PPHLN1: variants seen among roughly 807,000 people sequenced by gnomAD.
PPHLN1 encodes periphilin-1.
Under a neutral mutation model 51.3 loss-of-function variants are expected in PPHLN1, and 29 were observed. That is an observed-to-expected ratio of 0.57 (90% confidence interval 0.42 to 0.77). The LOEUF (loss-of-function observed/expected upper bound fraction) is 0.77, where lower values mean the gene tolerates loss of function less well. Among genes scored for constraint, PPHLN1 ranks in the 30% least tolerant of loss-of-function variants. PPHLN1 has a pLI of 0.00. For missense variants in PPHLN1, 436 were observed against 438.4 expected, an observed-to-expected ratio of 0.99 and a Z score of 0.05; for synonymous variants, 147 against 147.8, an observed-to-expected ratio of 0.99 and a Z score of 0.04.
At chr12:42,376,832 A>G (rs1031347687) in intron 5 of PPHLN1, among the ~76,000 whole-genome samples, 1 of 152,124 alleles carries the variant, frequency 6.6e-6, no homozygotes, top group African/African-American at 2.4e-5. Flanking sequence ...CCACTTCCAT[A>G]TATATATCTG....
At chr12:42,345,784 T>G (rs7313263) in intron 2 of PPHLN1, among the ~76,000 whole-genome samples, 1,957 of 152,144 alleles carry the variant, frequency 0.013, 42 homozygotes, top group African/African-American at 0.044. Context: ...ATTTTTTGAT[T>G]ACTTGAAAAT....
chr12:42,335,760 A>AT (rs1324602138), intron 1 of PPHLN1, 123 bp from the exon 2 acceptor site: 15,968 of 308,772 alleles, frequency 0.052, no homozygotes, highest in East Asian at 0.064. Context: ...GGTCACTTTC[A>AT]TTTTTTTTTT....
chr12:42,394,218 G>A (rs1347220743), intron 8 of PPHLN1, among the ~76,000 whole-genome samples: 1 of 152,030 alleles, frequency 6.6e-6, no homozygotes, highest in Admixed American at 6.6e-5. Flanking sequence ...TTTATGACAC[G>A]TTTGTATTAA....
chr12:42,357,195 TCTC>T (rs2074135343), intron 4 of PPHLN1, among the ~76,000 whole-genome samples: 1 of 152,106 alleles, frequency 6.6e-6, no homozygotes, highest in South Asian at 2.1e-4. Flanking sequence ...AAGTGTCAGT[TCTC>T]CTCAAATTAA....
chr12:42,442,803 A>T (rs553703313), downstream of PPHLN1: 4 of 1,609,270 alleles, frequency 2.5e-6, no homozygotes, highest in Admixed American at 5.0e-5. Context: ...CTAGGGTTTC[A>T]TCATGGGACA....
chr12:42,399,019 A>C, intron 9 of PPHLN1, 25 bp downstream of exon 9: 1 of 1,607,296 alleles, frequency 6.2e-7, no homozygotes, highest in Non-Finnish European at 8.5e-7. Flanking sequence ...GTCTTCATGT[A>C]CATAATTTTT....
At chr12:42,432,702 C>T (rs1224837525) in intron 9 of PPHLN1, among the ~76,000 whole-genome samples, 1 of 152,310 alleles carries the variant, frequency 6.6e-6, no homozygotes, top group Middle Eastern at 3.4e-3. Flanking sequence ...ACCTTCCTAG[C>T]TTGCTGAATG....
chr12:42,389,485 G>A lies in PPHLN1; in HGVS notation c.648+1950G>A, dbSNP rs555105377. ...CAAGGCAGGAGAATTGCTTGAATCC[G>A]GGAGGCGGGTGTTGCAGTGAGCTGA... is the stretch of plus-strand genomic sequence containing the variant. On this transcript the variant is annotated intron_variant, in intron 7 of 9. Transcript: ENST00000358314. Among the ~76,000 whole-genome samples, 1,000 of 151,520 alleles carry A rather than the reference G, an allele frequency of 6.6e-3. 12 individuals carry two copies. Among genetic ancestry groups the A allele is most frequent in the African/African-American group, 0.023 (954 of 41,328 alleles).
At chr12:42,445,867 C>T (rs1311318300), downstream of PPHLN1, 5 of 1,358,932 alleles carry the variant, frequency 3.7e-6, no homozygotes, top group Non-Finnish European at 4.9e-6. Flanking sequence ...CCTCTCCAGA[C>T]ATAAAACTGC....
intron 2 of PPHLN1, among the ~76,000 whole-genome samples, chr12:42,347,543 G>T (rs1196605654): frequency 1.3e-5 from 2 of 152,234 alleles, no homozygotes; most frequent in Non-Finnish European, 2.9e-5. Flanking sequence ...ACTTTGGGAG[G>T]CGTAGGCAGG....
At chr12:42,351,653 G>T (rs1013269427) in intron 2 of PPHLN1, among the ~76,000 whole-genome samples, 1 of 151,930 alleles carries the variant, frequency 6.6e-6, no homozygotes, top group African/African-American at 2.4e-5. Context: ...ATTGGTTTTC[G>T]CATTGCTGCA....
At chr12:42,426,769 T>A (rs748447927) in intron 9 of PPHLN1, among the ~76,000 whole-genome samples, 1 of 152,206 alleles carries the variant, frequency 6.6e-6, no homozygotes, top group African/African-American at 2.4e-5. Flanking sequence ...CCTCCCTGAA[T>A]TGAGAACTCA....
chr12:42,385,625 A>G lies in PPHLN1; in HGVS notation c.568+629A>G, dbSNP rs117445375. Among the ~76,000 whole-genome samples, 72 of 152,318 alleles carry G rather than the reference A, an allele frequency of 4.7e-4. 1 individual carries two copies. The East Asian group carries it at 0.013, about 27-fold the overall frequency. ...TAAGTGCTAAAGAATTGAGCCTGTA[A>G]TTATGCCTTTAATAAGCATAATGTG... On this transcript the variant is annotated intron_variant, in intron 6 of 9. Transcript: ENST00000358314.
In PPHLN1 at chr12:42,341,912, C is replaced by T. The variant is rs142039256; in HGVS notation, c.72+5938C>T. On this transcript the variant is annotated intron_variant, in intron 2 of 9. Coordinates refer to ENST00000358314, the MANE Select transcript of PPHLN1 (RefSeq NM_201439.2). ...CTAGGATTATAGGTGTGAGCCATCG[C>T]GCCCAGGCGCTTTTAAATTCTTTAT... 9.1e-3 allele frequency among the ~76,000 whole-genome samples: 1,386 copies of T among 152,226 alleles called. 14 individuals carry two copies. The highest frequency in any genetic ancestry group is 0.014 in the Non-Finnish European group (939 of 68,016).
intron 9 of PPHLN1, among the ~76,000 whole-genome samples, chr12:42,402,836 G>C (rs1219902748): frequency 6.6e-6 from 1 of 152,180 alleles, no homozygotes; most frequent in Non-Finnish European, 1.5e-5. Context: ...AGATTTAATT[G>C]TAAGTGTTGT....
chr12:42,401,521 G>C, intron 9 of PPHLN1, among the ~76,000 whole-genome samples: 1 of 147,022 alleles, frequency 6.8e-6, no homozygotes, highest in Non-Finnish European at 1.5e-5. Flanking sequence ...GGAGGGGGGA[G>C]GGAGGACAGG....
downstream of PPHLN1, chr12:42,446,841 C>A (rs191370730): frequency 1.1e-5 from 5 of 463,260 alleles, no homozygotes; most frequent in Non-Finnish European, 1.9e-5. Flanking sequence ...AGGCTGAGGG[C>A]GAACAGTAGG....
intron 4 of PPHLN1, among the ~76,000 whole-genome samples, chr12:42,364,608 A>AGT (rs1439640666): frequency 3.3e-5 from 5 of 152,154 alleles, no homozygotes; most frequent in East Asian, 1.9e-4. Flanking sequence ...TGGGTGACAG[A>AGT]GTGAGACTCT....
At chr12:42,345,009 C>G (rs2072082514) in intron 2 of PPHLN1, among the ~76,000 whole-genome samples, 1 of 152,020 alleles carries the variant, frequency 6.6e-6, no homozygotes, top group South Asian at 2.1e-4. Context: ...CCGTGCCCAG[C>G]CAGTGTGAAA....
Sources: gnomAD v4.1 joint callset for allele counts (sites outside exome capture counted in the v4.1 genomes callset) on GRCh38, gnomAD v4.1.1 for gene constraint, MANE v1.5 for transcripts, NCBI Gene and HGNC (gene_info 2026-07-23, HGNC 2026-07-21) for gene names.